Variants in NTRK3 observed in about 807,000 individuals in gnomAD.
NTRK3 encodes the protein neurotrophic receptor tyrosine kinase 3.
Under a neutral mutation model 91.7 loss-of-function variants are expected in NTRK3, and 24 were observed. That is an observed-to-expected ratio of 0.26 (90% CI 0.19 to 0.37). NTRK3 has a LOEUF of 0.37. Among genes scored for constraint, NTRK3 ranks in the 10% least tolerant of loss-of-function variants. NTRK3 has a pLI of 1.00. For missense variants in NTRK3, 880 were observed against 1,068.9 expected, an observed-to-expected ratio of 0.82 and a Z score of 2.46; for synonymous variants, 483 against 404.0, an observed-to-expected ratio of 1.20 and a Z score of -2.34.
In NTRK3 at chr15:87,981,480, G is replaced by T; in HGVS notation, c.1586-40727C>A. On this transcript the variant is annotated intron_variant, in intron 14 of 18. Coordinates refer to ENST00000394480, the Ensembl canonical transcript of NTRK3. ...CAGAAACAGAAATCCAGGTTTCTCA[G>T]CTCCTGTACCCACTCTGCTGTGCCT... 2.9e-6 allele frequency: 4 copies of T among 1,368,866 alleles called. No homozygotes were observed. In the Admixed American group the frequency reaches 6.8e-5, roughly 23 times the overall value. The allele number at this position is 1,368,866 out of a possible 1,614,324, so 84.8% of individuals were successfully genotyped here. A position where few individuals can be genotyped will look rare whatever the true frequency, so the allele number is the denominator to read the frequency against.
exon 19 of NTRK3, chr15:87,873,295 T>C (rs1483859253): frequency 4.3e-6 from 1 of 230,736 alleles, no homozygotes; most frequent in Non-Finnish European, 8.6e-6. Context: ...GCACCTCCTT[T>C]TTCTTGTCTC....
At chr15:88,094,066 C>T (rs571062244) in intron 13 of NTRK3, among the ~76,000 whole-genome samples, 21 of 152,230 alleles carry the variant, frequency 1.4e-4, no homozygotes, top group African/African-American at 5.1e-4. Flanking sequence ...CTCACTCCTC[C>T]CCAAGCACAC....
At chr15:88,054,772 T>C (rs866035536) in intron 13 of NTRK3, among the ~76,000 whole-genome samples, 1 of 152,080 alleles carries the variant, frequency 6.6e-6, no homozygotes, top group African/African-American at 2.4e-5. Context: ...ATGATGATGA[T>C]AACAATAATA....
chr15:88,192,144 G>T (rs150000281), intron 3 of NTRK3, among the ~76,000 whole-genome samples: 55 of 152,348 alleles, frequency 3.6e-4, no homozygotes, highest in African/African-American at 1.3e-3. Flanking sequence ...AAAGTATTGT[G>T]CCAGGAATGA....
At chr15:88,165,348 G>C (rs1296122290) in intron 5 of NTRK3, among the ~76,000 whole-genome samples, 1 of 152,168 alleles carries the variant, frequency 6.6e-6, no homozygotes, top group Non-Finnish European at 1.5e-5. Flanking sequence ...ATTTTCCTAA[G>C]TCTTGCATTG....
At chr15:88,102,842 C>A (rs890995529) in intron 13 of NTRK3, among the ~76,000 whole-genome samples, 3 of 152,162 alleles carry the variant, frequency 2.0e-5, no homozygotes, top group Non-Finnish European at 4.4e-5. Flanking sequence ...CCTTCAAGGC[C>A]TGTCTCTATT....
intron 5 of NTRK3, among the ~76,000 whole-genome samples, chr15:88,162,646 G>A (rs1597693299): frequency 1.3e-5 from 2 of 152,108 alleles, no homozygotes; most frequent in South Asian, 4.1e-4. Context: ...GAACAGAAGG[G>A]GATTCGAAAG....
intron 14 of NTRK3, among the ~76,000 whole-genome samples, chr15:87,983,871 C>A (rs540199453): frequency 6.6e-6 from 1 of 152,148 alleles, no homozygotes; most frequent in East Asian, 1.9e-4. Flanking sequence ...TTATTAACAG[C>A]TTCCTTAGTT....
intron 10 of NTRK3, among the ~76,000 whole-genome samples, chr15:88,134,890 C>A (rs959823716): frequency 6.6e-6 from 1 of 152,210 alleles, no homozygotes; most frequent in African/African-American, 2.4e-5. Context: ...TCTAAGAAGT[C>A]TTGGTTACCA....
exon 19 of NTRK3, chr15:87,871,779 T>C (rs1032463130): frequency 4.5e-6 from 1 of 222,740 alleles, no homozygotes; most frequent in African/African-American, 2.2e-5. Flanking sequence ...CAGGCCTTCT[T>C]TGAAGCCATT....
Position 88,255,769 on chromosome 15 carries a change from C to T in NTRK3, c.248+137G>A. 1.6e-6 allele frequency: 1 copy of T among 639,056 alleles called. No individual in the cohort carries two copies. Among genetic ancestry groups the T allele is most frequent in the Non-Finnish European group, 2.3e-6 (1 of 439,954 alleles). The allele number at this position is 639,056 out of a possible 1,614,324, so 39.6% of individuals were successfully genotyped here. A position where few individuals can be genotyped will look rare whatever the true frequency, so the allele number is the denominator to read the frequency against. On this transcript the variant is annotated intron_variant, in intron 3 of 18. Transcript: ENST00000394480. The surrounding 1 kb of genome is among the most constrained non-coding windows in gnomAD (Gnocchi z 4.3). Reference sequence around the variant, plus strand: ...CCGGAGAGCATCTCCCGAGCCAGAGCGAGCCTGACGCGCGCCCAGCGGGCG... The same window carrying T: ...CCGGAGAGCATCTCCCGAGCCAGAGTGAGCCTGACGCGCGCCCAGCGGGCG...
In NTRK3 at chr15:87,966,575, C is replaced by T. The variant is rs28532635; in HGVS notation, c.1586-25822G>A. Among the ~76,000 whole-genome samples the T allele has an allele frequency of 9.7e-3, 1,479 of 152,322 alleles. 41 individuals carry two copies. Among genetic ancestry groups the T allele is most frequent in the African/African-American group, 0.032 (1,338 of 41,572 alleles). On this transcript the variant is annotated intron_variant, in intron 14 of 18. Coordinates refer to ENST00000394480, the Ensembl canonical transcript of NTRK3. ...CTGACACTCTCGATGTTCCCACTGCCCCCACACAGTAATCCTTTGGCCAAC... is the reference window on the plus strand; with the variant it reads ...CTGACACTCTCGATGTTCCCACTGCTCCCACACAGTAATCCTTTGGCCAAC...
At chr15:87,914,991 G>A (rs1371249527) in intron 17 of NTRK3, among the ~76,000 whole-genome samples, 2 of 152,158 alleles carry the variant, frequency 1.3e-5, no homozygotes, top group Non-Finnish European at 2.9e-5. Flanking sequence ...TATGGTGTTG[G>A]TGATGGTGTT....
intron 6 of NTRK3, among the ~76,000 whole-genome samples, chr15:88,138,073 A>G (rs1334064270): frequency 6.6e-6 from 1 of 150,910 alleles, no homozygotes; most frequent in Non-Finnish European, 1.5e-5. Flanking sequence ...AAAGAAATCC[A>G]CCTCACTTCA....
intron 17 of NTRK3, among the ~76,000 whole-genome samples, chr15:87,913,112 C>T (rs2067213987): frequency 6.6e-6 from 1 of 151,210 alleles, no homozygotes; most frequent in Non-Finnish European, 1.5e-5. Context: ...AAACAAGGCA[C>T]TTTTGCTATA....
chr15:88,106,184 T>C (rs1337509725), intron 13 of NTRK3, among the ~76,000 whole-genome samples: 4 of 152,226 alleles, frequency 2.6e-5, no homozygotes, highest in Admixed American at 1.3e-4. Context: ...TGACCCATAA[T>C]TGCTAATGGA....
At chr15:87,885,943 G>C (rs2065512001) in intron 17 of NTRK3, among the ~76,000 whole-genome samples, 1 of 151,776 alleles carries the variant, frequency 6.6e-6, no homozygotes, top group Non-Finnish European at 1.5e-5. Context: ...GGCCAAAAAA[G>C]TACAATATAT....
intron 13 of NTRK3, among the ~76,000 whole-genome samples, chr15:88,040,844 T>A (rs916846134): frequency 4.6e-5 from 7 of 152,262 alleles, no homozygotes; most frequent in Admixed American, 3.9e-4. Context: ...CCAGATATGT[T>A]GCTGGGCACT....
intron 16 of NTRK3, among the ~76,000 whole-genome samples, chr15:87,930,547 G>T (rs578158011): frequency 3.9e-5 from 6 of 152,122 alleles, no homozygotes; most frequent in African/African-American, 1.4e-4. Flanking sequence ...CAGCAGAGAA[G>T]CCCTCCCTTC....
Sources: allele counts gnomAD v4.1 joint callset (sites outside exome capture counted in the v4.1 genomes callset), GRCh38; gene constraint gnomAD v4.1.1; non-coding constraint Gnocchi (gnomAD v3.1); transcripts MANE v1.5; gene names NCBI Gene and HGNC (gene_info 2026-07-23, HGNC 2026-07-21).